TTLL11: variants seen among roughly 807,000 people sequenced by gnomAD.
The protein encoded by TTLL11 is tubulin polyglutamylase TTLL11.
In TTLL11, 42 loss-of-function variants were observed where a neutral mutation model predicts 51.7. The ratio of observed to expected loss-of-function variants is 0.81; its 90% CI spans 0.64 to 1.05. TTLL11 has a LOEUF of 1.05. TTLL11 is among the 50% of genes least tolerant of loss of function. TTLL11 has a pLI of 0.00. For synonymous variants in TTLL11, 381 were observed against 383.5 expected, an observed-to-expected ratio of 0.99 and a Z score of 0.08; for missense variants, 799 against 940.4, an observed-to-expected ratio of 0.85 and a Z score of 1.97.
At position 122,093,304 on chromosome 9, in the gene TTLL11, C is replaced by A; in HGVS notation, c.-156G>T. 6.3e-7 allele frequency: 1 copy of A among 1,575,880 alleles called. No individual in the cohort carries two copies. The highest frequency in any genetic ancestry group is 1.7e-4 in the Middle Eastern group (1 of 5,930). ...TCGCTCAGGCTCGGGTTGACAGCGG[C>A]AGTCACCGCATCGAGACGGGGTCCG... is the stretch of plus-strand genomic sequence containing the variant. On this transcript the variant is annotated 5_prime_UTR_variant, in exon 1 of 9. Transcript: ENST00000321582.
chr9:121,854,983 C>T (rs371070415), intron 8 of TTLL11, among the ~76,000 whole-genome samples: 28 of 152,272 alleles, frequency 1.8e-4, no homozygotes, highest in African/African-American at 6.0e-4. Flanking sequence ...CTACATGTTA[C>T]TAAATTCCAT....
chr9:122,084,351 A>G (rs1846070872), intron 1 of TTLL11, among the ~76,000 whole-genome samples: 1 of 152,166 alleles, frequency 6.6e-6, no homozygotes, highest in South Asian at 2.1e-4. Context: ...ATTACTAGAT[A>G]ATGGTTCAGA....
intron 7 of TTLL11, among the ~76,000 whole-genome samples, chr9:121,867,778 T>G (rs1384703821): frequency 6.6e-6 from 1 of 152,086 alleles, no homozygotes; most frequent in Non-Finnish European, 1.5e-5. Context: ...GGGGAGTCCA[T>G]GAGCTACCGC....
intron 1 of TTLL11, among the ~76,000 whole-genome samples, chr9:122,073,898 G>A (rs1211637466): frequency 6.6e-6 from 1 of 152,140 alleles, no homozygotes; most frequent in Non-Finnish European, 1.5e-5. Flanking sequence ...AGCCCACAGT[G>A]GACTCATCAG....
At chr9:122,075,500 G>A (rs1045338934) in intron 1 of TTLL11, among the ~76,000 whole-genome samples, 13 of 152,186 alleles carry the variant, frequency 8.5e-5, no homozygotes, top group African/African-American at 3.1e-4. Flanking sequence ...TTATTAAACT[G>A]TCACACAGCA....
intron 6 of TTLL11, among the ~76,000 whole-genome samples, chr9:121,940,127 A>G (rs1349501072): frequency 6.6e-6 from 1 of 152,138 alleles, no homozygotes; most frequent in South Asian, 2.1e-4. Flanking sequence ...CAGGTCAAAC[A>G]TTTATCCAGT....
intron 6 of TTLL11, among the ~76,000 whole-genome samples, chr9:121,914,491 G>C (rs373317085): frequency 5.9e-5 from 9 of 152,280 alleles, no homozygotes; most frequent in African/African-American, 2.2e-4. Context: ...CTGTAGGCAG[G>C]GCCTTCTAAT....
chr9:121,832,062 A>T (rs1280779462), intron 8 of TTLL11, among the ~76,000 whole-genome samples: 1 of 152,136 alleles, frequency 6.6e-6, no homozygotes, highest in Non-Finnish European at 1.5e-5. Context: ...TGCTAATCCT[A>T]TTCAATAAGG....
intron 6 of TTLL11, among the ~76,000 whole-genome samples, chr9:121,956,564 T>C (rs1842022396): frequency 6.6e-6 from 1 of 152,192 alleles, no homozygotes. Flanking sequence ...GCATCCTCCA[T>C]CACTGTGCAT....
intron 8 of TTLL11, among the ~76,000 whole-genome samples, chr9:121,833,923 G>A (rs1837102797): frequency 6.6e-6 from 1 of 152,112 alleles, no homozygotes; most frequent in East Asian, 1.9e-4. Context: ...ACAGAAACTT[G>A]CCAAGCCCTT....
intron 6 of TTLL11, among the ~76,000 whole-genome samples, chr9:121,969,255 T>C (rs1842493650): frequency 6.6e-6 from 1 of 152,186 alleles, no homozygotes; most frequent in Non-Finnish European, 1.5e-5. Context: ...CTCCAAGGAC[T>C]CACCACCAGT....
intron 2 of TTLL11, among the ~76,000 whole-genome samples, chr9:122,034,858 G>A (rs961779466): frequency 2.0e-5 from 3 of 152,106 alleles, no homozygotes; most frequent in Non-Finnish European, 2.9e-5. Context: ...CAGCTGCAGC[G>A]CCTGACCCCT....
At chr9:121,899,392 T>C (rs1374990706) in intron 6 of TTLL11, among the ~76,000 whole-genome samples, 3 of 127,228 alleles carry the variant, frequency 2.4e-5, no homozygotes, top group African/African-American at 8.3e-5. Context: ...TATATATATA[T>C]ATATATATAT....
intron 6 of TTLL11, among the ~76,000 whole-genome samples, chr9:121,925,106 G>A (rs113530242): frequency 1.2e-4 from 18 of 152,300 alleles, no homozygotes; most frequent in African/African-American, 3.6e-4. Flanking sequence ...TCCTCTGAAA[G>A]GCTCTGTTTA....
At chr9:122,031,133 A>T (rs1298571792) in intron 3 of TTLL11, among the ~76,000 whole-genome samples, 1 of 152,186 alleles carries the variant, frequency 6.6e-6, no homozygotes, top group Admixed American at 6.5e-5. Flanking sequence ...TGAAACTGTT[A>T]AAAGGCTAAC....
chr9:121,999,574 C>T (rs1334543319), intron 3 of TTLL11, among the ~76,000 whole-genome samples: 1 of 152,204 alleles, frequency 6.6e-6, no homozygotes, highest in Non-Finnish European at 1.5e-5. Context: ...ACCTGAATTG[C>T]TGCAATAGCT....
At chr9:121,848,829 G>C (rs1837588758) in intron 8 of TTLL11, among the ~76,000 whole-genome samples, 1 of 152,160 alleles carries the variant, frequency 6.6e-6, no homozygotes, top group Admixed American at 6.5e-5. Context: ...TTTCTGACTT[G>C]ATCTATGGAT....
intron 3 of TTLL11, among the ~76,000 whole-genome samples, chr9:122,002,151 C>T (rs72765977): frequency 0.047 from 7,128 of 152,314 alleles, 200 homozygotes; most frequent in African/African-American, 0.087. Context: ...CTCTCATGGG[C>T]TCCCAGGAAA....
intron 6 of TTLL11, among the ~76,000 whole-genome samples, chr9:121,937,406 A>G (rs1221071680): frequency 6.6e-6 from 1 of 152,232 alleles, no homozygotes; most frequent in African/African-American, 2.4e-5. Context: ...GACATAGTTA[A>G]TAATTGATGG....
Sources: allele counts gnomAD v4.1 joint callset (sites outside exome capture counted in the v4.1 genomes callset), GRCh38; gene constraint gnomAD v4.1.1; transcripts MANE v1.5; gene names NCBI Gene and HGNC (gene_info 2026-07-23, HGNC 2026-07-21).